The following PRTG variants were observed in gnomAD, a reference collection of about 807,000 sequenced individuals.
The protein encoded by PRTG is immunoglobulin superfamily, DCC subclass, member 5.
Under a neutral mutation model 122.5 loss-of-function variants are expected in PRTG, and 67 were observed. The ratio of observed to expected loss-of-function variants is 0.55; its 90% CI spans 0.45 to 0.67. The LOEUF is 0.67. Among genes scored for constraint, PRTG ranks in the 30% least tolerant of loss-of-function variants. PRTG has a pLI of 0.00. For synonymous variants in PRTG, 554 were observed against 501.1 expected (o/e 1.11, Z -1.41); for missense variants, 1,435 against 1,415.4 (o/e 1.01, Z -0.22).
At chr15:55,731,908 C>G (rs2031247159) in intron 2 of PRTG, among the ~76,000 whole-genome samples, 1 of 152,168 alleles carries the variant, frequency 6.6e-6, no homozygotes, top group African/African-American at 2.4e-5. Flanking sequence ...GTGATTCTGT[C>G]ATGTGAACAT....
chr15:55,628,902 G>A lies in PRTG; in HGVS notation c.2726C>T (p.Ser909Phe). 2 of 1,614,030 alleles carry A rather than the reference G, an allele frequency of 1.2e-6. No homozygotes were observed. The highest frequency in any genetic ancestry group is 1.7e-6 in the Non-Finnish European group (2 of 1,179,948). The change falls in exon 16 of 20, where the codon TCT becomes TTT. Residue 909 changes from serine to phenylalanine, a missense_variant. Coordinates refer to ENST00000389286, the MANE Select transcript of PRTG (RefSeq NM_173814.6). ...NEVGEGPFSN[S>F]VELAVLPKET... is the part of the protein sequence containing the mutation. The stretch of plus-strand genomic sequence containing the variant: ...CTTTGGAAGTACTGCCAGCTCCACA[G>A]AATTTGAAAAGGGTCCTTCTCCCAC...
chr15:55,623,667 C>T (rs1167147315), intron 18 of PRTG, among the ~76,000 whole-genome samples: 2 of 152,194 alleles, frequency 1.3e-5, no homozygotes, highest in Non-Finnish European at 2.9e-5. Flanking sequence ...TGATTTATAG[C>T]ACATTGGTTG....
In PRTG at chr15:55,731,126, CTTTTA is replaced by C. The variant is rs772875709; in HGVS notation, c.397+9251_397+9255del. ...GAAAATAATGATGTACTTTGTCTCTCTTTTATTTATTTATTTGTCCAATTTCATCC... is the reference window on the plus strand; with the variant it reads ...GAAAATAATGATGTACTTTGTCTCTCTTTATTTATTTGTCCAATTTCATCC... On this transcript the variant is annotated intron_variant, in intron 2 of 19. Transcript: ENST00000389286. Among the ~76,000 whole-genome samples, 282 of 152,246 alleles carry C rather than the reference CTTTTA, an allele frequency of 1.9e-3. 2 individuals are homozygous for C. Among genetic ancestry groups the C allele is most frequent in the Non-Finnish European group, 3.2e-3 (216 of 68,022 alleles).
At chr15:55,620,949 G>C (rs1317049215) in intron 18 of PRTG, among the ~76,000 whole-genome samples, 182 bp from the exon 19 acceptor site, 2 of 152,202 alleles carry the variant, frequency 1.3e-5, no homozygotes, top group African/African-American at 2.4e-5. Flanking sequence ...ATATTGTGTG[G>C]TAGTGGGGAC....
intron 11 of PRTG, among the ~76,000 whole-genome samples, chr15:55,651,025 T>C (rs1216231224): frequency 6.6e-6 from 1 of 152,060 alleles, no homozygotes; most frequent in Non-Finnish European, 1.5e-5. Context: ...CCAACAGAAA[T>C]GGAAGAGGAC....
In PRTG at chr15:55,682,352, T is replaced by C; in HGVS notation, c.676+12A>G. 1 of 1,565,598 alleles carries C rather than the reference T, an allele frequency of 6.4e-7. No individual in the cohort carries two copies. Among genetic ancestry groups the C allele is most frequent in the Non-Finnish European group, 8.7e-7 (1 of 1,153,280 alleles). On this transcript the variant is annotated intron_variant, in intron 4 of 19. Transcript: ENST00000389286. ...AACGTCATAAAAATGGAAAAACCAC[T>C]CTGCGTGGTACCTGGAATCACAGTT...
chr15:55,620,755 G>C lies in PRTG; in HGVS notation c.3106C>G (p.Leu1036Val). Residue 1036 changes from leucine (L) to valine (V), a missense_variant, in exon 19 of 20, where the codon CTG becomes GTG. Leu to Val is a conservative substitution (Grantham distance 32). Transcript: ENST00000389286. ...SFIDAKGGTD[L>V]IINSYGPIIK... ...ATAGGACCATAGCTATTAATTATCA[G>C]GTCAGTTCCTCCCTGAGGAAATAAA... 1 of 1,589,530 alleles carries C rather than the reference G, an allele frequency of 6.3e-7. No individual in the cohort carries two copies. Among genetic ancestry groups the C allele is most frequent in the Non-Finnish European group, 8.5e-7 (1 of 1,173,572 alleles).
chr15:55,741,530 C>A (rs2031607722), intron 1 of PRTG, among the ~76,000 whole-genome samples: 1 of 152,152 alleles, frequency 6.6e-6, no homozygotes, highest in Admixed American at 6.5e-5. Flanking sequence ...CCTGGGCCCT[C>A]GCCAGGATAA....
At chr15:55,628,400 A>AAC in intron 16 of PRTG, among the ~76,000 whole-genome samples, 1 of 152,098 alleles carries the variant, frequency 6.6e-6, no homozygotes, top group South Asian at 2.1e-4. Context: ...AAAAAAAAAA[A>AAC]AACTTTCTCT....
chr15:55,722,173 A>G (rs2141870097), intron 2 of PRTG, among the ~76,000 whole-genome samples: 1 of 152,340 alleles, frequency 6.6e-6, no homozygotes, highest in Non-Finnish European at 1.5e-5. Flanking sequence ...TGTTCATTAT[A>G]TTCCTTACAC....
chr15:55,676,743 A>G (rs1031854268), intron 8 of PRTG, among the ~76,000 whole-genome samples: 6 of 152,192 alleles, frequency 3.9e-5, no homozygotes, highest in African/African-American at 1.4e-4. Context: ...TGAAACAACC[A>G]TAATAGGGAA....
rs377254151 is a variant in PRTG, at chr15:55,672,467, T to A, written c.2019A>T (p.Leu673=). 6.2e-7 allele frequency: 1 copy of A among 1,613,462 alleles called. No homozygotes were observed. Among genetic ancestry groups the A allele is most frequent in the Admixed American group, 1.7e-5 (1 of 59,964 alleles). Residue 673 remains leucine (L), a synonymous_variant, in exon 11 of 20, where the codon CTA becomes CTT. Transcript: ENST00000389286. ...NGPIFLDTKD[L]LYTLSGLDPR... Reference sequence around the variant, plus strand: ...CACCTAAGCCACTGAGAGTATAGAGTAGGTCCTTGGTATCCAAGAAAATGG... The same window carrying A: ...CACCTAAGCCACTGAGAGTATAGAGAAGGTCCTTGGTATCCAAGAAAATGG...
chr15:55,711,920 G>T (rs565175459), intron 2 of PRTG, among the ~76,000 whole-genome samples: 72 of 152,160 alleles, frequency 4.7e-4, no homozygotes, highest in Non-Finnish European at 8.5e-4. Context: ...CTCAATGAAT[G>T]TGGATGTAAA....
At chr15:55,736,306 C>A (rs892155150) in intron 2 of PRTG, among the ~76,000 whole-genome samples, 2 of 151,888 alleles carry the variant, frequency 1.3e-5, no homozygotes, top group Non-Finnish European at 2.9e-5. Flanking sequence ...GGTCCAGGAT[C>A]ATTAATAAAA....
At chr15:55,658,985 T>G (rs999473644) in intron 11 of PRTG, among the ~76,000 whole-genome samples, 3 of 152,188 alleles carry the variant, frequency 2.0e-5, no homozygotes, top group African/African-American at 7.2e-5. Flanking sequence ...CTGCCTACTG[T>G]GTGCACAGGT....
At chr15:55,686,164 T>A (rs2059569268) in intron 2 of PRTG, among the ~76,000 whole-genome samples, 1 of 152,168 alleles carries the variant, frequency 6.6e-6, no homozygotes, top group Non-Finnish European at 1.5e-5. Flanking sequence ...TAAACTATGT[T>A]GAATACATTT....
chr15:55,677,265 T>C (rs776532499), intron 8 of PRTG, among the ~76,000 whole-genome samples: 16 of 152,194 alleles, frequency 1.1e-4, no homozygotes, highest in Non-Finnish European at 1.9e-4. Context: ...CAGTAAAGAA[T>C]GTCCTGTTCA....
intron 11 of PRTG, among the ~76,000 whole-genome samples, chr15:55,641,674 G>A (rs1345661511): frequency 3.3e-5 from 5 of 152,150 alleles, no homozygotes; most frequent in Non-Finnish European, 5.9e-5. Flanking sequence ...AATTACAATT[G>A]TCATTCTTTA....
intron 2 of PRTG, among the ~76,000 whole-genome samples, chr15:55,735,718 T>A (rs913409417): frequency 2.6e-4 from 30 of 114,258 alleles, no homozygotes; most frequent in South Asian, 1.6e-3. Flanking sequence ...CATGCTTTGC[T>A]AAAAAAAAAA....
Sources: gnomAD v4.1 joint callset for allele counts (sites outside exome capture counted in the v4.1 genomes callset) on GRCh38, gnomAD v4.1.1 for gene constraint, MANE v1.5 for transcripts, NCBI Gene and HGNC (gene_info 2026-07-23, HGNC 2026-07-21) for gene names.